The following NDUFA12 variants were observed in gnomAD, a reference collection of about 807,000 sequenced individuals.
NDUFA12 encodes the protein NADH dehydrogenase [ubiquinone] 1 alpha subcomplex subunit 12.
NDUFA12 carries 17 observed loss-of-function variants against 20.3 expected under a neutral mutation model. The observed-to-expected ratio is 0.84, with a 90% CI of 0.57 to 1.26. The LOEUF (loss-of-function observed/expected upper bound fraction) is 1.26. NDUFA12 is among the 50% of genes most tolerant of loss of function. NDUFA12 has a pLI of 0.00. For synonymous variants in NDUFA12, 72 were observed against 63.6 expected, an observed-to-expected ratio of 1.13 and a Z score of -0.63; for missense variants, 191 against 183.7, an observed-to-expected ratio of 1.04 and a Z score of -0.23.
intron 3 of NDUFA12, among the ~76,000 whole-genome samples, chr12:94,975,084 G>A (rs1592697624): frequency 6.6e-6 from 1 of 152,074 alleles, no homozygotes; most frequent in Non-Finnish European, 1.5e-5. Context: ...ATGATGTGAT[G>A]ATCACATATT....
chr12:94,990,668 C>T (rs1165296390), intron 3 of NDUFA12, among the ~76,000 whole-genome samples: 2 of 152,090 alleles, frequency 1.3e-5, no homozygotes, highest in Non-Finnish European at 2.9e-5. Flanking sequence ...TGGCCTCAAG[C>T]GAGCCTCATG....
chr12:94,991,759 A>G (rs1042133572), intron 3 of NDUFA12, among the ~76,000 whole-genome samples: 3 of 151,854 alleles, frequency 2.0e-5, no homozygotes, highest in African/African-American at 4.8e-5. Context: ...AAAAACAAGA[A>G]GTCTCACAAA....
rs192195240 is a variant in NDUFA12 at position 94,993,913 on chromosome 12, G to A, written c.257+257C>T. Among the ~76,000 whole-genome samples the A allele has an allele frequency of 1.1e-3, 162 of 152,124 alleles. 1 individual carries two copies. The highest frequency in any genetic ancestry group is 3.7e-3 in the African/African-American group (155 of 41,510). On this transcript the variant is annotated intron_variant, in intron 3 of 3. Transcript: ENST00000327772. ...TGTACCACTGCACTCCAGCCTGGGC[G>A]ACAGAATGAGACTCTGTCTCAAAAA...
intron 3 of NDUFA12, among the ~76,000 whole-genome samples, chr12:94,987,224 T>G (rs991278950): frequency 6.6e-6 from 1 of 152,086 alleles, no homozygotes; most frequent in South Asian, 2.1e-4. Context: ...AACCTAGTCA[T>G]GAGGAAACAT....
At chr12:95,003,011 G>A (rs1165606299) in intron 1 of NDUFA12, among the ~76,000 whole-genome samples, 190 bp from the exon 2 acceptor site, 2 of 152,212 alleles carry the variant, frequency 1.3e-5, no homozygotes, top group Non-Finnish European at 2.9e-5. Flanking sequence ...AAATATAAAT[G>A]TAGTCTCTTC....
intron 3 of NDUFA12, chr12:94,971,871 G>A (rs888049128): frequency 3.4e-5 from 23 of 669,072 alleles, no homozygotes; most frequent in African/African-American, 1.6e-4. Context: ...TGGCAGATAC[G>A]CAACAAATGT....
chr12:94,995,198 A>G (rs1219709521), intron 2 of NDUFA12, among the ~76,000 whole-genome samples: 1 of 152,230 alleles, frequency 6.6e-6, no homozygotes, highest in Non-Finnish European at 1.5e-5. Flanking sequence ...GTAAACATAT[A>G]ATCAACAAAA....
chr12:94,978,770 C>A (rs1343827210), intron 3 of NDUFA12, among the ~76,000 whole-genome samples: 1 of 152,022 alleles, frequency 6.6e-6, no homozygotes, highest in East Asian at 1.9e-4. Context: ...ATAAATTGAA[C>A]CTCAAGAATG....
At chr12:94,994,893 G>A (rs1215432807) in intron 2 of NDUFA12, among the ~76,000 whole-genome samples, 2 of 152,042 alleles carry the variant, frequency 1.3e-5, no homozygotes, top group Non-Finnish European at 2.9e-5. Context: ...AAAGACTTGG[G>A]CTTTGTCACT....
intron 2 of NDUFA12, among the ~76,000 whole-genome samples, chr12:95,000,223 G>A (rs11107859): frequency 0.31 from 47,367 of 151,984 alleles, 7,693 homozygotes; most frequent in East Asian, 0.42. Flanking sequence ...AGTAACTCAG[G>A]AATGATAAAC....
At position 95,002,760 on chromosome 12, in the gene NDUFA12, C is replaced by A; in HGVS notation, c.148G>T (p.Glu50Ter). The change falls in exon 2 of 4, where the codon GAA becomes TAA. Residue 50 changes from glutamate to a stop codon, truncating the protein, a stop_gained. Transcript: ENST00000327772. LOFTEE classifies it high-confidence loss of function. ...GEDKYGNKYY[E>*]DNKQFFGRHR... ...TCACCAAAAAATTGCTTGTTGTCTT[C>A]ATAGTATTTGTTTCCATATTTGTCT... 1 of 1,614,044 alleles carries A rather than the reference C, an allele frequency of 6.2e-7. No homozygotes were observed. The highest frequency in any genetic ancestry group is 8.5e-7 in the Non-Finnish European group (1 of 1,179,918).
At chr12:94,994,416 T>C in intron 2 of NDUFA12, 159 bp from the exon 3 acceptor site, 1 of 607,026 alleles carries the variant, frequency 1.6e-6, no homozygotes. Flanking sequence ...TTCGTGAAGG[T>C]AAGCTCCAGG....
rs188729238 is a variant in NDUFA12, at chr12:94,985,188, G to A, written c.257+8982C>T. ...AAAAATTTTTAAATTAGTCGGGCAT[G>A]GTGGCACATGGCTGCAGTTCCAGCT... On this transcript the variant is annotated intron_variant, in intron 3 of 3. Transcript: ENST00000327772. Among the ~76,000 whole-genome samples the A allele has an allele frequency of 1.1e-3, 167 of 152,072 alleles. 1 individual carries two copies. Among genetic ancestry groups the A allele is most frequent in the Admixed American group, 0.011 (167 of 15,254 alleles).
At chr12:95,002,624 G>T in intron 2 of NDUFA12, 115 bp downstream of exon 2, 2 of 792,028 alleles carry the variant, frequency 2.5e-6, no homozygotes, top group Non-Finnish European at 4.3e-6. Flanking sequence ...TTTCTATTGA[G>T]TTTTTCATCC....
chr12:94,987,091 C>T (rs748668009), intron 3 of NDUFA12, among the ~76,000 whole-genome samples: 1 of 151,814 alleles, frequency 6.6e-6, no homozygotes, highest in Non-Finnish European at 1.5e-5. Flanking sequence ...ACCGGCAGAC[C>T]CCTTAATCAC....
At chr12:94,995,410 T>C (rs1874788391) in intron 2 of NDUFA12, among the ~76,000 whole-genome samples, 1 of 152,174 alleles carries the variant, frequency 6.6e-6, no homozygotes, top group African/African-American at 2.4e-5. Context: ...ACAATACAGT[T>C]AGGCTATAAT....
chr12:94,993,034 T>A (rs1874698339), intron 3 of NDUFA12, among the ~76,000 whole-genome samples: 1 of 152,206 alleles, frequency 6.6e-6, no homozygotes, highest in African/African-American at 2.4e-5. Context: ...AATAAATATT[T>A]TTGTAATGAA....
At chr12:94,980,963 C>T (rs1874216542) in intron 3 of NDUFA12, among the ~76,000 whole-genome samples, 1 of 152,042 alleles carries the variant, frequency 6.6e-6, no homozygotes, top group Non-Finnish European at 1.5e-5. Context: ...CTTTTCTACA[C>T]TAATTCTATA....
Position 94,971,558 on chromosome 12 carries a change from T to C in NDUFA12, c.320A>G (p.Lys107Arg). 1 of 1,614,160 alleles carries C rather than the reference T, an allele frequency of 6.2e-7. No homozygotes were observed. Among genetic ancestry groups the C allele is most frequent in the Non-Finnish European group, 8.5e-7 (1 of 1,180,026 alleles). Residue 107 changes from lysine (K) to arginine (R), a missense_variant, in exon 4 of 4, where the codon AAA becomes AGA. Transcript: ENST00000327772. ...PPTTKPLTARKFIWTNHKFNV... is the reference protein window; with the variant it reads ...PPTTKPLTARRFIWTNHKFNV... ...GAATTTATGGTTCGTCCAAATGAAT[T>C]TACGAGCAGTAAGTGGTTTTGTTGT...
Sources: allele counts gnomAD v4.1 joint callset (sites outside exome capture counted in the v4.1 genomes callset), GRCh38; gene constraint gnomAD v4.1.1; transcripts MANE v1.5; gene names NCBI Gene and HGNC (gene_info 2026-07-23, HGNC 2026-07-21).